The following COL2A1 variants were observed in gnomAD, a reference collection of about 807,000 sequenced individuals.
The protein encoded by COL2A1 is collagen type II alpha 1 chain, also known as collagen alpha-1(II) chain.
Under a neutral mutation model 204.5 loss-of-function variants are expected in COL2A1, and 28 were observed. That is an observed-to-expected ratio of 0.14 (90% CI 0.10 to 0.19). COL2A1 has a LOEUF of 0.19. Ranked by LOEUF, COL2A1 falls within the 10% of genes least tolerant of loss-of-function variation. The pLI is 1.00. For missense variants in COL2A1, 1,388 were observed against 2,027.5 expected, an observed-to-expected ratio of 0.68 and a Z score of 6.06; for synonymous variants, 708 against 718.7, an observed-to-expected ratio of 0.99 and a Z score of 0.24.
intron 41 of COL2A1, among the ~76,000 whole-genome samples, chr12:47,979,132 C>T (rs191153307): frequency 6.6e-6 from 1 of 152,216 alleles, no homozygotes; most frequent in East Asian, 1.9e-4. Flanking sequence ...CGCTGGTGAA[C>T]CCAGTGAGTT....
intron 44 of COL2A1, 94 bp downstream of exon 44, chr12:47,977,916 G>T: frequency 1.6e-6 from 2 of 1,220,738 alleles, no homozygotes; most frequent in Non-Finnish European, 1.2e-6. Flanking sequence ...CTTCTCCAGG[G>T]CCCTGACTGG....
rs200048687 is a variant in COL2A1, at chr12:47,984,070, G to C, written c.1941+17C>G. On this transcript the variant is annotated intron_variant, in intron 29 of 53. Coordinates refer to ENST00000380518, the MANE Select transcript of COL2A1 (RefSeq NM_001844.5). ...CCTGCCCCCAGGGCCACCTGGGGAG[G>C]CTGGGCAGGTACTTACAGCAGGGCC... The C allele has an allele frequency of 1.2e-5, 19 of 1,609,426 alleles. No homozygotes were observed. In the East Asian group the frequency reaches 3.6e-4, roughly 30 times the overall value.
At chr12:47,985,628 C>A (rs772923699) in intron 25 of COL2A1, 41 bp from the exon 26 acceptor site, 10 of 1,611,900 alleles carry the variant, frequency 6.2e-6, no homozygotes, top group Non-Finnish European at 8.5e-6. Context: ...CAGGAGCCGG[C>A]CCCAGGACCT....
intron 40 of COL2A1, 51 bp from the exon 41 acceptor site, chr12:47,979,615 G>C (rs981896815): frequency 3.7e-6 from 3 of 819,144 alleles, no homozygotes; most frequent in Admixed American, 1.9e-5. Flanking sequence ...CAGGAGGTTT[G>C]AGATTAAAAT....
At chr12:47,990,280 G>C (rs1419721495) in intron 16 of COL2A1, among the ~76,000 whole-genome samples, 4 of 152,218 alleles carry the variant, frequency 2.6e-5, no homozygotes, top group Admixed American at 2.6e-4. Context: ...AAGGTGCTGG[G>C]ATTACAGGCG....
At chr12:47,982,979 A>C in intron 32 of COL2A1, 33 bp from the exon 33 acceptor site, 2 of 1,609,056 alleles carry the variant, frequency 1.2e-6, no homozygotes, top group African/African-American at 1.3e-5. Context: ...TGATCAACCA[A>C]CAGCAGTGGG....
At position 47,982,809 on chromosome 12, in the gene COL2A1, G is replaced by C. The variant is rs776692009; in HGVS notation, c.2193+39C>G. The C allele has an allele frequency of 2.6e-6, 4 of 1,559,416 alleles. No individual in the cohort carries two copies. The African/African-American group carries it at 5.4e-5, about 21-fold the overall frequency. Reference sequence around the variant, plus strand: ...TCTCCCTGCTCAGTGGGACTCCCAGGCTACCACGAAGACCCCTACAGGATG... The same window carrying C: ...TCTCCCTGCTCAGTGGGACTCCCAGCCTACCACGAAGACCCCTACAGGATG... On this transcript the variant is annotated intron_variant, in intron 33 of 53. Transcript: ENST00000380518.
At chr12:47,997,971 CA>C in intron 5 of COL2A1, 47 bp from the exon 6 acceptor site, 1 of 1,614,152 alleles carries the variant, frequency 6.2e-7, no homozygotes, top group South Asian at 1.1e-5. Flanking sequence ...CAGGAGCCTG[CA>C]GATCAGTAAC....
chr12:47,992,427 T>G (rs1056328007), intron 16 of COL2A1, among the ~76,000 whole-genome samples: 4 of 152,150 alleles, frequency 2.6e-5, no homozygotes, highest in Admixed American at 2.0e-4. Flanking sequence ...TATGGAATGG[T>G]GGCCCCTGGT....
Position 47,987,199 on chromosome 12 carries a change from G to A in COL2A1, c.1267-23C>T. On this transcript the variant is annotated intron_variant, in intron 20 of 53. Coordinates refer to ENST00000380518, the MANE Select transcript of COL2A1 (RefSeq NM_001844.5). The surrounding 1 kb of genome is among the most constrained non-coding windows in gnomAD (Gnocchi z 4.1). ...ACCCTGTGGGCATGAGAAGAAGGGA[G>A]GGGTGTCAGGAGAGGGGAGAGGCAG... is the stretch of plus-strand genomic sequence containing the variant. 6.2e-7 allele frequency: 1 copy of A among 1,613,660 alleles called. No homozygotes were observed. The highest frequency in any genetic ancestry group is 8.5e-7 in the Non-Finnish European group (1 of 1,179,608).
At chr12:47,989,983 G>A (rs989888349) in intron 16 of COL2A1, among the ~76,000 whole-genome samples, 178 bp from the exon 17 acceptor site, 1 of 147,650 alleles carries the variant, frequency 6.8e-6, no homozygotes, top group Non-Finnish European at 1.5e-5. Flanking sequence ...GTGGCCAGAA[G>A]GCAGTAATGG....
intron 47 of COL2A1, 35 bp downstream of exon 47, chr12:47,977,067 G>C (rs748204683): frequency 5.0e-5 from 80 of 1,591,940 alleles, no homozygotes; most frequent in Non-Finnish European, 6.1e-5. Context: ...GCCTATCCCT[G>C]GTGGGGACTC....
chr12:47,999,288 C>A (rs531563487), intron 2 of COL2A1, among the ~76,000 whole-genome samples: 2 of 152,360 alleles, frequency 1.3e-5, no homozygotes, highest in South Asian at 4.1e-4. Context: ...CACTACAGTG[C>A]AGATACATGG....
Position 47,979,336 on chromosome 12 carries a change from C to T in COL2A1, c.2733+175G>A, listed in dbSNP as rs534418438. 3.0e-4 allele frequency among the ~76,000 whole-genome samples: 46 copies of T among 152,314 alleles called. No homozygotes were observed. The South Asian group carries it at 9.5e-3, about 32-fold the overall frequency. ...CATTGCTGACAGCAGGGCCACAACC[C>T]TGCCCCCAGCCACCCTCAGGGGATA... On this transcript the variant is annotated intron_variant, in intron 41 of 53. Coordinates refer to ENST00000380518, the MANE Select transcript of COL2A1 (RefSeq NM_001844.5).
intron 22 of COL2A1, 68 bp downstream of exon 22, chr12:47,986,767 G>C (rs1319207304): frequency 6.4e-7 from 1 of 1,574,722 alleles, no homozygotes; most frequent in Non-Finnish European, 8.7e-7. Flanking sequence ...TGGTGGGTCA[G>C]TGGGGCTGAG....
At chr12:47,996,505 CCTCCTGCCATTT>C in intron 8 of COL2A1, 31 bp downstream of exon 8, 1 of 1,543,698 alleles carries the variant, frequency 6.5e-7, no homozygotes. Flanking sequence ...CTAAGGGCCA[CCTCCTGCCATTT>C]TGGCTGCAAA....
chr12:47,978,969 T>C lies in COL2A1; in HGVS notation c.2734-211A>G, dbSNP rs948662220. 2.0e-5 allele frequency among the ~76,000 whole-genome samples: 3 copies of C among 151,666 alleles called. No individual in the cohort carries two copies. The highest frequency in any genetic ancestry group is 7.3e-5 in the African/African-American group (3 of 41,210). On this transcript the variant is annotated intron_variant, in intron 41 of 53. Transcript: ENST00000380518. This position sits in a 1 kb window ranked among gnomAD's most constrained non-coding sequence, Gnocchi z 5.5. Reference sequence around the variant, plus strand: ...CAGCTCTGGGCAGACAGCCCCAACTTCTCCAGCTCCTGCTTGCTTTGCTTT... The same window carrying C: ...CAGCTCTGGGCAGACAGCCCCAACTCCTCCAGCTCCTGCTTGCTTTGCTTT...
At chr12:47,974,922 A>G in intron 51 of COL2A1, 60 bp from the exon 52 acceptor site, 2 of 1,550,064 alleles carry the variant, frequency 1.3e-6, no homozygotes, top group Non-Finnish European at 1.8e-6. Context: ...CAAAAGCTTG[A>G]GAGACCCAGG....
At position 47,973,297 on chromosome 12, in the gene COL2A1, ACATCAGGT is replaced by A. The variant is rs1219274333; in HGVS notation, c.*102_*109del. On this transcript the variant is annotated 3_prime_UTR_variant, in exon 54 of 54. Transcript: ENST00000380518. The stretch of plus-strand genomic sequence containing the variant: ...AACTGTGAGAGGGTGGGATGAATGG[ACATCAGGT>A]CAGGTCAGCCATTCAGTGCAGAGTC... 6.4e-6 allele frequency: 9 copies of A among 1,396,630 alleles called. No homozygotes were observed. Among genetic ancestry groups the A allele is most frequent in the Non-Finnish European group, 9.2e-6 (9 of 981,440 alleles). 86.5% of individuals were successfully genotyped at this position (1,396,630 alleles called of 1,614,324 possible).
Sources: gnomAD v4.1 joint callset for allele counts (sites outside exome capture counted in the v4.1 genomes callset) on GRCh38, gnomAD v4.1.1 for gene constraint, Gnocchi (gnomAD v3.1) non-coding constraint, MANE v1.5 for transcripts, NCBI Gene and HGNC (gene_info 2026-07-23, HGNC 2026-07-21) for gene names.